The following PIGN variants were observed in gnomAD, a reference collection of about 807,000 sequenced individuals.
PIGN encodes GPI ethanolamine phosphate transferase 1.
A neutral mutation model predicts 125.4 loss-of-function variants in PIGN; 117 were observed. The observed-to-expected ratio is 0.93, with a 90% CI of 0.80 to 1.09. The LOEUF is 1.09. Ranked by LOEUF, PIGN falls within the 50% of genes least tolerant of loss-of-function variation. The probability of loss-of-function intolerance (pLI) is 0.00; values close to 1 mark genes in which losing one functional copy is unlikely to be tolerated. For synonymous variants in PIGN, 392 were observed against 377.8 expected, an observed-to-expected ratio of 1.04 and a Z score of -0.44; for missense variants, 1,075 against 1,094.9, an observed-to-expected ratio of 0.98 and a Z score of 0.26.
At chr18:62,081,018 A>C (rs1385944303) in intron 28 of PIGN, among the ~76,000 whole-genome samples, 1 of 152,198 alleles carries the variant, frequency 6.6e-6, no homozygotes, top group African/African-American at 2.4e-5. Flanking sequence ...ATGAAAAAAA[A>C]CAATGTTAAT....
intron 8 of PIGN, among the ~76,000 whole-genome samples, chr18:62,147,422 T>C (rs78946023): frequency 6.6e-6 from 1 of 152,192 alleles, no homozygotes; most frequent in African/African-American, 2.4e-5. Context: ...CTAAACTGTT[T>C]GGCCACATTA....
In PIGN at chr18:62,029,223, G is replaced by A. The variant is rs544837649; in HGVS notation, c.2143-11482C>T. The stretch of plus-strand genomic sequence containing the variant: ...TTTTGATAACTTTAAACCACTTTTC[G>A]TTTTTCTCTGTCCTTTGGATAAACT... On this transcript the variant is annotated intron_variant, in intron 23 of 24. Coordinates refer to the PIGN transcript ENST00000639600. Among the ~76,000 whole-genome samples the A allele has an allele frequency of 7.9e-5, 12 of 152,300 alleles. No homozygotes were observed. In the South Asian group the frequency reaches 2.1e-3, roughly 26 times the overall value.
At chr18:62,026,326 G>GA (rs138003243) in intron 23 of PIGN, among the ~76,000 whole-genome samples, 20 of 147,790 alleles carry the variant, frequency 1.4e-4, no homozygotes, top group South Asian at 8.5e-4. Context: ...AAAGTTGGCA[G>GA]AAAAAAAAAA....
chr18:62,094,286 T>C (rs17713751), intron 23 of PIGN, among the ~76,000 whole-genome samples: 25,709 of 152,140 alleles, frequency 0.17, 2,933 homozygotes, highest in Middle Eastern at 0.29. Flanking sequence ...ACATTTTTAA[T>C]CAACTACACA....
intron 1 of PIGN, among the ~76,000 whole-genome samples, chr18:62,165,299 T>C (rs749952792): frequency 6.6e-5 from 10 of 152,198 alleles, no homozygotes; most frequent in Non-Finnish European, 1.3e-4. Context: ...TCCGTGTCCT[T>C]TAACTGCCTA....
In PIGN at chr18:62,072,670, T is replaced by C. The variant is rs1226895379; in HGVS notation, c.2672+3A>G. 5.0e-6 allele frequency: 8 copies of C among 1,602,564 alleles called. No individual in the cohort carries two copies. The highest frequency in any genetic ancestry group is 6.8e-6 in the Non-Finnish European group (8 of 1,173,564). On this transcript the variant is annotated splice_donor_region_variant and intron_variant, in intron 30 of 30. Coordinates refer to ENST00000640252, the MANE Select transcript of PIGN (RefSeq NM_176787.5). ...AAGCAATGCATGACCATATATACTATACCTTGTCCCAATATCAAGCCAGCT... is the reference window on the plus strand; with the variant it reads ...AAGCAATGCATGACCATATATACTACACCTTGTCCCAATATCAAGCCAGCT...
chr18:62,146,708 T>C (rs1382142791), intron 9 of PIGN, among the ~76,000 whole-genome samples: 1 of 152,236 alleles, frequency 6.6e-6, no homozygotes, highest in African/African-American at 2.4e-5. Context: ...TCTCTGTAGA[T>C]AAATAATAGC....
Position 62,107,108 on chromosome 18 carries a change from T to C in PIGN, c.1575-23A>G, listed in dbSNP as rs573176459. ...AATCTGTTTCAAATAAAAAGACTGA[T>C]TGAATTTTAAAGTTAGGTCATACAT... On this transcript the variant is annotated intron_variant, in intron 17 of 30. Coordinates refer to ENST00000640252, the MANE Select transcript of PIGN (RefSeq NM_176787.5). 8 of 1,468,196 alleles carry C rather than the reference T, an allele frequency of 5.4e-6. No homozygotes were observed. In the East Asian group the frequency reaches 7.3e-5, roughly 13 times the overall value. The allele number at this position is 1,468,196 out of a possible 1,614,324, so 90.9% of individuals were successfully genotyped here. A position where few individuals can be genotyped will look rare whatever the true frequency, so the allele number is the denominator to read the frequency against.
In PIGN at chr18:62,043,436, G is replaced by A. The variant is rs2030456725; in HGVS notation, c.*2420C>T. The A allele has an allele frequency of 6.6e-6, 1 of 152,076 alleles. No homozygotes were observed. Among genetic ancestry groups the A allele is most frequent in the South Asian group, 2.1e-4 (1 of 4,824 alleles). 9.4% of individuals were successfully genotyped at this position (152,076 alleles called of 1,614,324 possible). A position where few individuals can be genotyped will look rare whatever the true frequency, so the allele number is the denominator to read the frequency against. On this transcript the variant is annotated 3_prime_UTR_variant, in exon 31 of 31. Transcript: ENST00000640252. ...GTAAAAAGGTCGCAGGAGGGGAGGA[G>A]GATTGACACTGATGTTCTTAATATC...
intron 1 of PIGN, among the ~76,000 whole-genome samples, chr18:62,165,833 T>C (rs1231184070): frequency 1.3e-5 from 2 of 152,190 alleles, no homozygotes; most frequent in African/African-American, 2.4e-5. Context: ...TTGGAGTTCT[T>C]GTTAACTTTA....
At chr18:62,020,578 T>C (rs1207159839) in intron 23 of PIGN, among the ~76,000 whole-genome samples, 1 of 151,896 alleles carries the variant, frequency 6.6e-6, no homozygotes, top group Non-Finnish European at 1.5e-5. Flanking sequence ...CATTCGCATA[T>C]TAGCAAATTA....
At chr18:62,154,326 A>T in intron 7 of PIGN, 1 of 496,422 alleles carries the variant, frequency 2.0e-6, no homozygotes, top group Admixed American at 4.1e-5. Flanking sequence ...CCTAAATCCT[A>T]ATCTAGGGCT....
intron 14 of PIGN, among the ~76,000 whole-genome samples, chr18:62,134,937 T>C (rs767263647): frequency 6.6e-6 from 1 of 152,226 alleles, no homozygotes; most frequent in Non-Finnish European, 1.5e-5. Flanking sequence ...GCTTTCTATG[T>C]ATACATCATG....
chr18:62,067,114 T>G (rs927068382), intron 30 of PIGN, among the ~76,000 whole-genome samples: 2 of 152,228 alleles, frequency 1.3e-5, no homozygotes, highest in African/African-American at 4.8e-5. Context: ...CTTTCATTCC[T>G]TCTTATTCAC....
chr18:62,125,703 T>C (rs540049835), intron 14 of PIGN, among the ~76,000 whole-genome samples: 1 of 152,166 alleles, frequency 6.6e-6, no homozygotes, highest in South Asian at 2.1e-4. Flanking sequence ...ATTTCAAAAA[T>C]GGAAAAAAGT....
At position 62,102,830 on chromosome 18, in the gene PIGN, G is replaced by A. The variant is rs972582573; in HGVS notation, c.1932C>T (p.Ser644=). 8.9e-6 allele frequency: 14 copies of A among 1,574,452 alleles called. No homozygotes were observed. The South Asian group carries it at 9.4e-5, about 11-fold the overall frequency. Residue 644 remains serine, a synonymous_variant, in exon 21 of 31, where the codon AGC becomes AGT. Transcript: ENST00000640252. ...VVTSLMKRKD[S]FIKEELLVHL... ...GTACCAATAGCTCTTCCTTTATAAA[G>A]CTATCTTTTCTTTTCATGAGAGATG...
In PIGN at chr18:62,045,751, T is replaced by C; in HGVS notation, c.*105A>G. 1 of 1,063,360 alleles carries C rather than the reference T, an allele frequency of 9.4e-7. No homozygotes were observed. The highest frequency in any genetic ancestry group is 1.4e-6 in the Non-Finnish European group (1 of 740,364). 65.9% of individuals were successfully genotyped at this position (1,063,360 alleles called of 1,614,324 possible). A position where few individuals can be genotyped will look rare whatever the true frequency, so the allele number is the denominator to read the frequency against. ...CCAAATACCATTTTCCTTACAGGAGTAGAATATACTATATATCCATATCCA... is the reference window on the plus strand; with the variant it reads ...CCAAATACCATTTTCCTTACAGGAGCAGAATATACTATATATCCATATCCA... On this transcript the variant is annotated 3_prime_UTR_variant, in exon 31 of 31. Transcript: ENST00000640252.
At chr18:62,108,829 C>A (rs1033934376) in intron 17 of PIGN, among the ~76,000 whole-genome samples, 1 of 152,152 alleles carries the variant, frequency 6.6e-6, no homozygotes, top group Non-Finnish European at 1.5e-5. Context: ...CTCAAGTGAT[C>A]CACCTGCCTT....
chr18:62,144,578 A>G (rs2036251306), intron 10 of PIGN, among the ~76,000 whole-genome samples: 1 of 151,946 alleles, frequency 6.6e-6, no homozygotes, highest in South Asian at 2.1e-4. Context: ...TGCCTGGAAC[A>G]CTCCTGCCCT....
Sources: allele counts gnomAD v4.1 joint callset (sites outside exome capture counted in the v4.1 genomes callset), GRCh38; gene constraint gnomAD v4.1.1; transcripts MANE v1.5; gene names NCBI Gene and HGNC (gene_info 2026-07-23, HGNC 2026-07-21).